The following PALM2AKAP2 variants were observed in gnomAD, a reference collection of about 807,000 sequenced individuals.
The protein encoded by PALM2AKAP2 is PALM2 and AKAP2 fusion, also known as PALM2-AKAP2 fusion protein.
Under a neutral mutation model 71.5 loss-of-function variants are expected in PALM2AKAP2, and 37 were observed. The observed-to-expected ratio is 0.52, with a 90% CI of 0.40 to 0.68. The LOEUF is 0.68. Ranked by LOEUF, PALM2AKAP2 falls within the 30% of genes least tolerant of loss-of-function variation. PALM2AKAP2 has a pLI of 0.00. For synonymous variants in PALM2AKAP2, 468 were observed against 478.8 expected (o/e 0.98, Z 0.29); for missense variants, 1,224 against 1,191.8 (o/e 1.03, Z -0.40).
intron 1 of PALM2AKAP2, among the ~76,000 whole-genome samples, chr9:109,752,364 G>C (rs886900212): frequency 6.6e-5 from 10 of 152,126 alleles, no homozygotes; most frequent in African/African-American, 2.2e-4. Context: ...TTGCTATACT[G>C]GTGATTTTGA....
intron 1 of PALM2AKAP2, among the ~76,000 whole-genome samples, chr9:109,727,853 C>A (rs1828497794): frequency 6.6e-6 from 1 of 152,206 alleles, no homozygotes; most frequent in South Asian, 2.1e-4. Context: ...ACACAGTCTA[C>A]CTGAAAATGA....
chr9:110,022,509 C>T (rs909640797), intron 7 of PALM2AKAP2, among the ~76,000 whole-genome samples: 22 of 152,118 alleles, frequency 1.4e-4, no homozygotes, highest in Non-Finnish European at 1.3e-4. Flanking sequence ...ATATTCACAT[C>T]TTTGGCTCAA....
chr9:109,731,634 A>G (rs1828557291), intron 1 of PALM2AKAP2, among the ~76,000 whole-genome samples: 1 of 152,182 alleles, frequency 6.6e-6, no homozygotes. Context: ...CAATGCTATT[A>G]TTATTAATAG....
At chr9:110,059,218 G>A (rs1011093544) in intron 1 of PALM2AKAP2, among the ~76,000 whole-genome samples, 1 of 152,172 alleles carries the variant, frequency 6.6e-6, no homozygotes, top group Non-Finnish European at 1.5e-5. Flanking sequence ...ATGTTTTGAA[G>A]TGAAATTATA....
rs184991998 is a variant in PALM2AKAP2 at position 110,149,531 on chromosome 9, C to A, written c.2570-6788C>A. On this transcript the variant is annotated intron_variant, in intron 2 of 3. Transcript: ENST00000374525. ...TCAAAAGTGATTCATAATCCTACTC[C>A]CCCAGGAATAACCACCTTTCTAGAT... is the stretch of plus-strand genomic sequence containing the variant. Among the ~76,000 whole-genome samples, 127 of 152,304 alleles carry A rather than the reference C, an allele frequency of 8.3e-4. 1 individual carries two copies. Among genetic ancestry groups the A allele is most frequent in the African/African-American group, 2.9e-3 (121 of 41,564 alleles).
chr9:110,067,159 C>T (rs574987972), intron 1 of PALM2AKAP2, among the ~76,000 whole-genome samples: 34 of 152,108 alleles, frequency 2.2e-4, no homozygotes, highest in African/African-American at 6.3e-4. Flanking sequence ...GGCAGATTAC[C>T]GAGAGTAGGA....
intron 1 of PALM2AKAP2, among the ~76,000 whole-genome samples, chr9:110,115,114 C>T (rs536346006): frequency 7.7e-4 from 117 of 152,256 alleles, no homozygotes; most frequent in African/African-American, 2.8e-3. Context: ...AAGCAGTGGA[C>T]GGAAACAGCT....
At chr9:109,665,362 G>A (rs1827465911) in intron 1 of PALM2AKAP2, among the ~76,000 whole-genome samples, 1 of 152,186 alleles carries the variant, frequency 6.6e-6, no homozygotes, top group Non-Finnish European at 1.5e-5. Flanking sequence ...ACCTACAGAT[G>A]GGGTTTTGGT....
At chr9:109,843,849 G>C (rs149130606) in intron 1 of PALM2AKAP2, among the ~76,000 whole-genome samples, 1 of 152,174 alleles carries the variant, frequency 6.6e-6, no homozygotes, top group African/African-American at 2.4e-5. Context: ...CCAGCTGGCT[G>C]CCTATCAGTG....
At chr9:110,125,623 C>T (rs1238437276) in intron 1 of PALM2AKAP2, 3 of 981,214 alleles carry the variant, frequency 3.1e-6, no homozygotes, top group South Asian at 9.4e-5. Context: ...GACTTATCTT[C>T]GTGTCCTTTT....
At chr9:110,141,598 C>T (rs1836031938) in intron 2 of PALM2AKAP2, among the ~76,000 whole-genome samples, 1 of 152,176 alleles carries the variant, frequency 6.6e-6, no homozygotes, top group Non-Finnish European at 1.5e-5. Flanking sequence ...AGCAGCCAAA[C>T]TAGACAATTC....
At chr9:109,780,386 C>T, upstream of PALM2AKAP2, 3 of 1,605,030 alleles carry the variant, frequency 1.9e-6, no homozygotes, top group Non-Finnish European at 2.6e-6. Flanking sequence ...GGCGTTCTCC[C>T]GGGTTCTAGC....
rs1474428358 is a variant in PALM2AKAP2 at position 109,806,181 on chromosome 9, A to G, written c.45+25648A>G. Among the ~76,000 whole-genome samples, 3 of 152,360 alleles carry G rather than the reference A, an allele frequency of 2.0e-5. No individual in the cohort carries two copies. The East Asian group carries it at 5.8e-4, about 29-fold the overall frequency. On this transcript the variant is annotated intron_variant, in intron 1 of 9. Transcript: ENST00000302798. ...AGGTGGTATAAGTTCTATCTTTGAC[A>G]TTACCCAATTATAAAATGCAGTAAA...
At chr9:109,694,948 G>A (rs1827949198) in intron 1 of PALM2AKAP2, among the ~76,000 whole-genome samples, 2 of 152,020 alleles carry the variant, frequency 1.3e-5, no homozygotes, top group African/African-American at 2.4e-5. Flanking sequence ...TTAATGCATG[G>A]TATTAGGACA....
chr9:109,716,834 T>C (rs1230812558), intron 1 of PALM2AKAP2, among the ~76,000 whole-genome samples: 1 of 152,106 alleles, frequency 6.6e-6, no homozygotes, highest in Non-Finnish European at 1.5e-5. Context: ...TTGGGTGATG[T>C]GGTTAGGTTT....
intron 1 of PALM2AKAP2, among the ~76,000 whole-genome samples, chr9:109,654,427 G>T (rs981072293): frequency 6.6e-6 from 1 of 152,182 alleles, no homozygotes; most frequent in Non-Finnish European, 1.5e-5. Flanking sequence ...TGGGAGCTAA[G>T]CTTTATAAAG....
intron 1 of PALM2AKAP2, among the ~76,000 whole-genome samples, chr9:109,850,672 A>T (rs944282468): frequency 6.6e-6 from 1 of 152,208 alleles, no homozygotes; most frequent in Non-Finnish European, 1.5e-5. Flanking sequence ...TAAAGCCCAG[A>T]CTTTGAAGAG....
At chr9:109,988,109 C>G (rs557674871) in intron 6 of PALM2AKAP2, among the ~76,000 whole-genome samples, 2 of 152,276 alleles carry the variant, frequency 1.3e-5, no homozygotes, top group East Asian at 3.9e-4. Context: ...TCTCAAGAGG[C>G]AAAACTGCTT....
At chr9:110,035,660 GGA>G (rs1833385948) in intron 7 of PALM2AKAP2, among the ~76,000 whole-genome samples, 1 of 90,562 alleles carries the variant, frequency 1.1e-5, no homozygotes. Context: ...AACATATATA[GGA>G]TATGTTGTGT....
Sources: allele counts gnomAD v4.1 joint callset (sites outside exome capture counted in the v4.1 genomes callset), GRCh38; gene constraint gnomAD v4.1.1; transcripts MANE v1.5; gene names NCBI Gene and HGNC (gene_info 2026-07-23, HGNC 2026-07-21).